The following CDKN2A variants were observed in gnomAD, a reference collection of about 807,000 sequenced individuals.
CDKN2A encodes the protein cyclin-dependent kinase inhibitor 2A.
CDKN2A carries 3 observed loss-of-function variants against 11.1 expected under a neutral mutation model. That is an observed-to-expected ratio of 0.27 (90% CI 0.12 to 0.70). CDKN2A has a LOEUF of 0.70. Ranked by LOEUF, CDKN2A falls within the 30% of genes least tolerant of loss-of-function variation. The probability of loss-of-function intolerance (pLI) is 0.77; values close to 1 mark genes in which losing one functional copy is unlikely to be tolerated. For synonymous variants in CDKN2A, 122 were observed against 108.1 expected, an observed-to-expected ratio of 1.13 and a Z score of -0.80; for missense variants, 265 against 233.6, an observed-to-expected ratio of 1.13 and a Z score of -0.88.
intron 2 of CDKN2A, among the ~76,000 whole-genome samples, chr9:21,980,819 C>G (rs947977010): frequency 6.7e-6 from 1 of 149,906 alleles, no homozygotes; most frequent in Admixed American, 6.7e-5. Flanking sequence ...ATTAGCCAGG[C>G]GAGGTGGCGG....
At chr9:21,980,227 G>A (rs542396259) in intron 2 of CDKN2A, among the ~76,000 whole-genome samples, 8 of 152,028 alleles carry the variant, frequency 5.3e-5, no homozygotes, top group South Asian at 2.1e-4. Context: ...TATTGTTTAC[G>A]CTTGAGGTGA....
In CDKN2A at chr9:21,967,833, A is replaced by C; in HGVS notation, c.*396T>G. ...CTAGCAGTGTGACTCAAGAGAAGCC[A>C]GTAACCCCCCTGAGCTTCCCTAGTT... is the stretch of plus-strand genomic sequence containing the variant. On this transcript the variant is annotated 3_prime_UTR_variant, in exon 3 of 3. Coordinates refer to ENST00000304494, the MANE Select transcript of CDKN2A (RefSeq NM_000077.5). The C allele has an allele frequency of 3.1e-6, 1 of 321,502 alleles. No homozygotes were observed. Among genetic ancestry groups the C allele is most frequent in the East Asian group, 4.8e-5 (1 of 20,914 alleles). The allele number at this position is 321,502 out of a possible 1,614,324, so 19.9% of individuals were successfully genotyped here.
intron 1 of CDKN2A, chr9:21,971,525 C>T (rs1406214271): frequency 7.0e-6 from 3 of 429,920 alleles, no homozygotes; most frequent in Non-Finnish European, 1.2e-5. Flanking sequence ...TGTATTTCCC[C>T]TGAGATACAA....
upstream of CDKN2A, among the ~76,000 whole-genome samples, chr9:21,975,596 G>T (rs932565744): frequency 6.6e-6 from 1 of 152,152 alleles, no homozygotes; most frequent in African/African-American, 2.4e-5. Flanking sequence ...CGTGTAAAAC[G>T]GCTGTCTGGG....
In CDKN2A at chr9:21,983,082, T is replaced by TCTTGCAAAACCTGGGCCAA. The variant is rs1820231214; in HGVS notation, c.-4+10799_-4+10800insTTGGCCCAGGTTTTGCAAG. Among the ~76,000 whole-genome samples the TCTTGCAAAACCTGGGCCAA allele has an allele frequency of 7.2e-5, 11 of 152,214 alleles. No individual in the cohort carries two copies. In the South Asian group the frequency reaches 2.3e-3, roughly 32 times the overall value. On this transcript the variant is annotated intron_variant, in intron 2 of 3. Transcript: ENST00000494262. ...GTTGCAAAACCTGGGCCAAGATTACTGACTCTCCATTTTCAGAAACTACTG... is the reference window on the plus strand; with the variant it reads ...GTTGCAAAACCTGGGCCAAGATTACTCTTGCAAAACCTGGGCCAAGACTCTCCATTTTCAGAAACTACTG...
upstream of CDKN2A, among the ~76,000 whole-genome samples, chr9:21,978,941 G>T (rs1820107440): frequency 6.6e-6 from 1 of 152,164 alleles, no homozygotes; most frequent in Non-Finnish European, 1.5e-5. Context: ...AACTGTACTT[G>T]CCTCAAACAG....
At position 21,971,659 on chromosome 9, in the gene CDKN2A, T is replaced by A. The variant is rs192488058; in HGVS notation, c.151-451A>T. Among the ~76,000 whole-genome samples, 4 of 150,194 alleles carry A rather than the reference T, an allele frequency of 2.7e-5. No homozygotes were observed. The East Asian group carries it at 7.9e-4, about 30-fold the overall frequency. On this transcript the variant is annotated intron_variant, in intron 1 of 2. Transcript: ENST00000304494. Reference sequence around the variant, plus strand: ...AAAAAGAGAAAACTTGTTTGTTTGTTAAAACAAATTCTCACAAAACTTTTA... The same window carrying A: ...AAAAAGAGAAAACTTGTTTGTTTGTAAAAACAAATTCTCACAAAACTTTTA...
At chr9:21,986,690 GCTC>G (rs1820305737) in intron 2 of CDKN2A, among the ~76,000 whole-genome samples, 2 of 152,144 alleles carry the variant, frequency 1.3e-5, no homozygotes, top group African/African-American at 4.8e-5. Context: ...TTATTGTTAA[GCTC>G]CTCCTAATTG....
Position 21,994,502 on chromosome 9 carries a change from C to G in CDKN2A, c.-176+319G>C, listed in dbSNP as rs1234727351. On this transcript the variant is annotated intron_variant, in intron 1 of 3. Transcript: ENST00000494262. ...CGCCTTCCCTGAGCGCGCCCGCCCC[C>G]CACCTTCACCCCCACCCCCACCCCA... The G allele has an allele frequency of 7.8e-6, 11 of 1,417,160 alleles. No individual in the cohort carries two copies. The South Asian group carries it at 1.6e-4, about 20-fold the overall frequency. 87.8% of individuals were successfully genotyped at this position (1,417,160 alleles called of 1,614,324 possible).
At position 21,974,320 on chromosome 9, in the gene CDKN2A, G is replaced by T; in HGVS notation, c.150+358C>A. The T allele has an allele frequency of 8.7e-7, 1 of 1,148,052 alleles. No individual in the cohort carries two copies. The highest frequency in any genetic ancestry group is 1.2e-6 in the Non-Finnish European group (1 of 852,274). 71.1% of individuals were successfully genotyped at this position (1,148,052 alleles called of 1,614,324 possible). ...CAGGTATCTGTGAATTGGAGGCTAAGTAGTCCCAGCACATCTTACATTTCT... is the reference window on the plus strand; with the variant it reads ...CAGGTATCTGTGAATTGGAGGCTAATTAGTCCCAGCACATCTTACATTTCT... On this transcript the variant is annotated intron_variant, in intron 1 of 2. Coordinates refer to ENST00000304494, the MANE Select transcript of CDKN2A (RefSeq NM_000077.5). This position sits in a 1 kb window ranked among gnomAD's most constrained non-coding sequence, Gnocchi z 5.2.
chr9:21,974,842 C>T lies in CDKN2A; in HGVS notation c.-15G>A, dbSNP rs1819970124. ...GCCGGCTCCATGCTGCTCCCCGCCG[C>T]CCGCTGCCTGCTCTCCCCCTCTCCG... On this transcript the variant is annotated 5_prime_UTR_variant, in exon 1 of 3. Transcript: ENST00000304494. This position sits in a 1 kb window ranked among gnomAD's most constrained non-coding sequence, Gnocchi z 5.2. 6.4e-7 allele frequency: 1 copy of T among 1,565,088 alleles called. No homozygotes were observed. The highest frequency in any genetic ancestry group is 8.6e-7 in the Non-Finnish European group (1 of 1,160,922).
rs1376280331 is a variant in CDKN2A at position 21,988,453 on chromosome 9, A to G, written c.-4+5429T>C. ...CTTTTTGATTGTAGAGTTCTGCCCAAATGAAACCATCATTCCAGGGCTCAT... is the reference window on the plus strand; with the variant it reads ...CTTTTTGATTGTAGAGTTCTGCCCAGATGAAACCATCATTCCAGGGCTCAT... On this transcript the variant is annotated intron_variant, in intron 2 of 3. Coordinates refer to the CDKN2A transcript ENST00000494262. The surrounding 1 kb of genome is among the most constrained non-coding windows in gnomAD (Gnocchi z 4.1). 6.6e-6 allele frequency among the ~76,000 whole-genome samples: 1 copy of G among 152,106 alleles called. No homozygotes were observed. The highest frequency in any genetic ancestry group is 1.5e-5 in the Non-Finnish European group (1 of 68,022).
At chr9:21,982,479 AT>A (rs35302371) in intron 2 of CDKN2A, among the ~76,000 whole-genome samples, 18,070 of 151,726 alleles carry the variant, frequency 0.12, 1,212 homozygotes, top group East Asian at 0.19. Context: ...TTTTTTGTAA[AT>A]TTTTTTTATG....
chr9:21,981,193 C>CGT (rs1368759597), intron 2 of CDKN2A, among the ~76,000 whole-genome samples: 1 of 100,092 alleles, frequency 1.0e-5, no homozygotes, highest in African/African-American at 4.0e-5. Flanking sequence ...TATATATATA[C>CGT]GTGTATATAT....
chr9:21,994,350 G>T, intron 1 of CDKN2A: 2 of 1,606,792 alleles, frequency 1.2e-6, no homozygotes. Context: ...CGCCTCCAGG[G>T]CCGAGCTCGG....
At chr9:21,970,761 T>C in intron 2 of CDKN2A, 141 bp downstream of exon 2, 1 of 1,062,474 alleles carries the variant, frequency 9.4e-7, no homozygotes, top group Non-Finnish European at 1.4e-6. Context: ...ATAGGGAGAC[T>C]CAGGCCGTCC....
At chr9:21,984,817 A>G (rs1218974125) in intron 2 of CDKN2A, among the ~76,000 whole-genome samples, 1 of 151,954 alleles carries the variant, frequency 6.6e-6, no homozygotes, top group Non-Finnish European at 1.5e-5. Context: ...ATCCTTTAAA[A>G]GTAGCTTGCT....
At chr9:21,993,235 T>C (rs1820476344) in intron 2 of CDKN2A, among the ~76,000 whole-genome samples, 2 of 152,264 alleles carry the variant, frequency 1.3e-5, no homozygotes, top group Non-Finnish European at 2.9e-5. Flanking sequence ...TTAATTAGCA[T>C]TGTACATATT....
chr9:21,972,318 C>A (rs1819805144), intron 1 of CDKN2A, among the ~76,000 whole-genome samples: 2 of 152,060 alleles, frequency 1.3e-5, no homozygotes, highest in African/African-American at 2.4e-5. Flanking sequence ...AGAGGCTTTG[C>A]AGATGTGATT....
Sources: allele counts gnomAD v4.1 joint callset (sites outside exome capture counted in the v4.1 genomes callset), GRCh38; gene constraint gnomAD v4.1.1; non-coding constraint Gnocchi (gnomAD v3.1); transcripts MANE v1.5; gene names NCBI Gene and HGNC (gene_info 2026-07-23, HGNC 2026-07-21).